Variants in DOCK1 observed in about 807,000 individuals in gnomAD.
The protein encoded by DOCK1 is dedicator of cytokinesis 1, also known as dedicator of cytokinesis protein 1.
A neutral mutation model predicts 262.7 loss-of-function variants in DOCK1; 138 were observed. The ratio of observed to expected loss-of-function variants is 0.53; its 90% CI spans 0.46 to 0.61. The LOEUF (loss-of-function observed/expected upper bound fraction) is 0.61, where lower values mean the gene tolerates loss of function less well. Among genes scored for constraint, DOCK1 ranks in the 20% least tolerant of loss-of-function variants. The pLI, the probability that DOCK1 is intolerant of heterozygous loss-of-function variation, is 0.00. For synonymous variants in DOCK1, 866 were observed against 867.4 expected, an observed-to-expected ratio of 1.00 and a Z score of 0.03; for missense variants, 1,908 against 2,370.7, an observed-to-expected ratio of 0.80 and a Z score of 4.05.
chr10:127,377,509 T>C (rs1457101923), intron 35 of DOCK1, among the ~76,000 whole-genome samples: 1 of 152,214 alleles, frequency 6.6e-6, no homozygotes, highest in Non-Finnish European at 1.5e-5. Context: ...CCAAGTTTCC[T>C]TTAGAACCAG....
chr10:127,159,002 A>T (rs188042417), intron 27 of DOCK1, among the ~76,000 whole-genome samples: 1 of 152,084 alleles, frequency 6.6e-6, no homozygotes, highest in East Asian at 1.9e-4. Flanking sequence ...TCCTTGCTTG[A>T]TGCCTTTTGA....
chr10:127,017,560 T>C (rs2042091901), intron 12 of DOCK1, among the ~76,000 whole-genome samples: 3 of 141,646 alleles, frequency 2.1e-5, no homozygotes, highest in African/African-American at 8.1e-5. Flanking sequence ...CACACACACA[T>C]GCACAGATAC....
chr10:127,173,743 A>G (rs2054801735), intron 27 of DOCK1, among the ~76,000 whole-genome samples: 1 of 151,972 alleles, frequency 6.6e-6, no homozygotes, highest in Non-Finnish European at 1.5e-5. Flanking sequence ...GGTCTCCCCC[A>G]CCCCACGCCT....
chr10:127,035,103 C>CT (rs1353178381), intron 18 of DOCK1, among the ~76,000 whole-genome samples: 1 of 152,194 alleles, frequency 6.6e-6, no homozygotes, highest in Non-Finnish European at 1.5e-5. Context: ...CACGGTTCCC[C>CT]TTCTTGGGAT....
rs1490917948 is a variant in DOCK1, at chr10:127,339,054, A to G, written c.3093A>G (p.Lys1031=). The G allele has an allele frequency of 1.3e-6, 2 of 1,581,028 alleles. No homozygotes were observed. The highest frequency in any genetic ancestry group is 2.3e-5 in the South Asian group (2 of 85,944). ...AGTATGCAGATATGCTGAACAAAAA[A>G]TTTCTGGATCAAGCCAACTTTGAGC... ...INQYADMLNK[K]FLDQANFELQ... is the part of the protein sequence containing the mutation. The change falls in exon 30 of 52, where the codon AAA becomes AAG. Residue 1031 remains lysine, a synonymous_variant. Coordinates refer to ENST00000623213, the MANE Select transcript of DOCK1 (RefSeq NM_001290223.2).
intron 33 of DOCK1, among the ~76,000 whole-genome samples, chr10:127,364,860 C>T (rs776456448): frequency 2.6e-5 from 4 of 151,784 alleles, no homozygotes; most frequent in Non-Finnish European, 4.4e-5. Flanking sequence ...TCTTTCCTCC[C>T]GTTCTCTCTC....
In DOCK1 at chr10:127,439,184, A is replaced by G. The variant is rs770554319; in HGVS notation, c.5218A>G (p.Ile1740Val). 3.1e-6 allele frequency: 5 copies of G among 1,611,934 alleles called. No individual in the cohort carries two copies. Among genetic ancestry groups the G allele is most frequent in the East Asian group, 2.2e-5 (1 of 44,872 alleles). ...IFEKEFKPTD[I>V]SLQQSEAVIL... ...TGAGAAAGAATTTAAACCCACCGAC[A>G]TTTCCCTGCAGCAGTCTGAGGCTGT... The change falls in exon 49 of 52, where the codon ATT (isoleucine) becomes GTT (valine). Residue 1740 changes from isoleucine (I) to valine (V), a missense_variant. Ile to Val is a conservative substitution (Grantham distance 29). Transcript: ENST00000623213.
chr10:127,135,970 T>C (rs1373815822), intron 27 of DOCK1: 2 of 152,668 alleles, frequency 1.3e-5, no homozygotes, highest in Admixed American at 6.5e-5. Flanking sequence ...ATATTTAGTC[T>C]ACGTGAAACA....
Position 127,210,893 on chromosome 10 carries a change from G to T in DOCK1, c.2848-37115G>T, listed in dbSNP as rs76354171. Among the ~76,000 whole-genome samples, 600 of 152,292 alleles carry T rather than the reference G, an allele frequency of 3.9e-3. 7 individuals are homozygous for T. The highest frequency in any genetic ancestry group is 0.014 in the African/African-American group (566 of 41,568). ...TGACTGATTTCTGAATGTGACACGT[G>T]GCGTAATGACTTAAACGTATTACAG... On this transcript the variant is annotated intron_variant, in intron 27 of 51. Transcript: ENST00000623213.
At chr10:127,374,013 C>CT (rs772309864) in intron 34 of DOCK1, 45 bp from the exon 35 acceptor site, 1 of 1,567,068 alleles carries the variant, frequency 6.4e-7, no homozygotes, top group Non-Finnish European at 8.6e-7. Context: ...TGTTGAGTTT[C>CT]TTTTTCTGAG....
chr10:127,090,252 A>G (rs1342371710), intron 23 of DOCK1, among the ~76,000 whole-genome samples: 3 of 152,144 alleles, frequency 2.0e-5, no homozygotes, highest in African/African-American at 7.2e-5. Context: ...ACCGGAACTC[A>G]TTAAGAAGGT....
At chr10:127,160,288 T>A (rs1166255705) in intron 27 of DOCK1, among the ~76,000 whole-genome samples, 2 of 152,226 alleles carry the variant, frequency 1.3e-5, no homozygotes, top group Non-Finnish European at 2.9e-5. Flanking sequence ...ATTGGATTGA[T>A]GTAAATGTGC....
At position 126,990,521 on chromosome 10, in the gene DOCK1, C is replaced by T. The variant is rs1233277486; in HGVS notation, c.391C>T (p.Gln131Ter). 6.2e-7 allele frequency: 1 copy of T among 1,613,630 alleles called. No individual in the cohort carries two copies. Among genetic ancestry groups the T allele is most frequent in the Non-Finnish European group, 8.5e-7 (1 of 1,179,806 alleles). The change falls in exon 6 of 52, where the codon CAA becomes TAA. Residue 131 changes from glutamine (Q) to a stop codon, truncating the protein, a stop_gained. Transcript: ENST00000623213. LOFTEE classifies it high-confidence loss of function. ...MIYDLIEWRS[Q>*]ILSGTLPQDE... Reference sequence around the variant, plus strand: ...CTATGACCTTATTGAATGGCGATCACAAATTCTTTCTGGAACTCTGCCTCA... The same window carrying T: ...CTATGACCTTATTGAATGGCGATCATAAATTCTTTCTGGAACTCTGCCTCA...
At chr10:127,077,264 G>A (rs1411784831) in intron 23 of DOCK1, among the ~76,000 whole-genome samples, 1 of 151,944 alleles carries the variant, frequency 6.6e-6, no homozygotes, top group Non-Finnish European at 1.5e-5. Flanking sequence ...GCGTGGTGGT[G>A]GGCTCCTGTA....
intron 22 of DOCK1, among the ~76,000 whole-genome samples, chr10:127,053,154 A>G (rs2044859302): frequency 6.6e-6 from 1 of 152,194 alleles, no homozygotes; most frequent in Non-Finnish European, 1.5e-5. Flanking sequence ...GGATATCTTT[A>G]TATGGCAAAA....
chr10:127,185,261 G>A (rs917302363), intron 27 of DOCK1, among the ~76,000 whole-genome samples: 1 of 152,186 alleles, frequency 6.6e-6, no homozygotes, highest in African/African-American at 2.4e-5. Flanking sequence ...AGGCACGGTG[G>A]CTCATGCCTG....
In DOCK1 at chr10:127,383,307, G is replaced by A. The variant is rs2065920705; in HGVS notation, c.3808-1483G>A. 1.3e-5 allele frequency among the ~76,000 whole-genome samples: 2 copies of A among 152,278 alleles called. 1 individual carries two copies. The highest frequency in any genetic ancestry group is 3.9e-4 in the East Asian group (2 of 5,176). The stretch of plus-strand genomic sequence containing the variant: ...CTAGTCCATGTTTTCATTTGCAAAA[G>A]TGATTTAAAAATGCAAGGAAGTCAT... On this transcript the variant is annotated intron_variant, in intron 37 of 51. Transcript: ENST00000623213.
intron 33 of DOCK1, among the ~76,000 whole-genome samples, chr10:127,364,009 A>G (rs547832580): frequency 6.6e-6 from 1 of 152,340 alleles, no homozygotes; most frequent in East Asian, 1.9e-4. Flanking sequence ...AATCCCTAGC[A>G]CGGTGCCTGG....
chr10:127,127,226 A>G (rs2050021304), intron 26 of DOCK1, among the ~76,000 whole-genome samples: 1 of 152,204 alleles, frequency 6.6e-6, no homozygotes, highest in African/African-American at 2.4e-5. Context: ...TGAATTTTAG[A>G]TAGTTTGCTA....
Sources: gnomAD v4.1 joint callset for allele counts (sites outside exome capture counted in the v4.1 genomes callset) on GRCh38, gnomAD v4.1.1 for gene constraint, MANE v1.5 for transcripts, NCBI Gene and HGNC (gene_info 2026-07-23, HGNC 2026-07-21) for gene names.